FRMD4A: variants seen among roughly 807,000 people sequenced by gnomAD.
FRMD4A encodes the protein FERM domain-containing protein 4A.
A neutral mutation model predicts 129.1 loss-of-function variants in FRMD4A; 29 were observed. The observed-to-expected ratio is 0.22, with a 90% confidence interval of 0.17 to 0.31. FRMD4A has a LOEUF of 0.31. Among genes scored for constraint, FRMD4A ranks in the 10% least tolerant of loss-of-function variants. The probability of loss-of-function intolerance (pLI) is 1.00; values close to 1 mark genes in which losing one functional copy is unlikely to be tolerated. For synonymous variants in FRMD4A, 634 were observed against 571.6 expected (o/e 1.11, Z -1.56); for missense variants, 1,272 against 1,375.8 (o/e 0.92, Z 1.19).
At chr10:14,286,347 C>A (rs61836118) in intron 2 of FRMD4A, among the ~76,000 whole-genome samples, 1 of 152,092 alleles carries the variant, frequency 6.6e-6, no homozygotes, top group African/African-American at 2.4e-5. Context: ...AAGGACGAGA[C>A]GCTCCCGTGT....
intron 2 of FRMD4A, among the ~76,000 whole-genome samples, chr10:14,211,932 G>C (rs1842943395): frequency 6.6e-6 from 1 of 152,186 alleles, no homozygotes; most frequent in Non-Finnish European, 1.5e-5. Context: ...CTCAGCACTG[G>C]GGAAGTGGCT....
intron 12 of FRMD4A, among the ~76,000 whole-genome samples, chr10:13,723,391 T>C (rs2089619762): frequency 6.6e-6 from 1 of 152,242 alleles, no homozygotes; most frequent in Non-Finnish European, 1.5e-5. Context: ...TCCACTTATA[T>C]GAGTGTTCAA....
intron 2 of FRMD4A, among the ~76,000 whole-genome samples, chr10:14,304,925 T>G (rs765905890): frequency 3.3e-5 from 5 of 152,236 alleles, no homozygotes; most frequent in Non-Finnish European, 5.9e-5. Flanking sequence ...GTGGTCTGAA[T>G]GTGTGGCAGA....
intron 2 of FRMD4A, among the ~76,000 whole-genome samples, chr10:13,922,140 G>A (rs1214841303): frequency 2.6e-5 from 4 of 152,168 alleles, no homozygotes; most frequent in Non-Finnish European, 5.9e-5. Context: ...GGAATCTGCT[G>A]GCATCTTGAT....
chr10:14,063,247 T>G (rs1434924402), intron 2 of FRMD4A, among the ~76,000 whole-genome samples: 2 of 152,010 alleles, frequency 1.3e-5, no homozygotes, highest in Admixed American at 1.3e-4. Context: ...TTATGTTTAG[T>G]GCGTGTTCGG....
Position 13,657,362 on chromosome 10 carries a change from G to C in FRMD4A, c.2227C>G (p.Pro743Ala). ...PRTRSSNGSD[P>A]MDDCSSCTSH... ...GTGCACGACGAGCAGTCGTCCATGG[G>C]GTCTGAGCCGTTGCTGCTACGAGTC... The change falls in exon 22 of 25, where the codon CCC (proline) becomes GCC (alanine). Residue 743 changes from proline to alanine, a missense_variant. Transcript: ENST00000357447. 1 of 1,611,788 alleles carries C rather than the reference G, an allele frequency of 6.2e-7. No homozygotes were observed. The highest frequency in any genetic ancestry group is 8.5e-7 in the Non-Finnish European group (1 of 1,179,726).
intron 2 of FRMD4A, among the ~76,000 whole-genome samples, chr10:14,056,400 T>C (rs1192973770): frequency 6.6e-6 from 1 of 151,550 alleles, no homozygotes; most frequent in Admixed American, 6.6e-5. Flanking sequence ...CCCCCCGTGA[T>C]TGAAAAAAAA....
intron 2 of FRMD4A, among the ~76,000 whole-genome samples, chr10:14,309,120 A>G (rs1207697178): frequency 6.6e-6 from 1 of 152,214 alleles, no homozygotes; most frequent in Non-Finnish European, 1.5e-5. Context: ...GAATTTCTCA[A>G]CATGCAATCA....
At chr10:14,289,288 T>C (rs1022455108) in intron 2 of FRMD4A, among the ~76,000 whole-genome samples, 4 of 152,190 alleles carry the variant, frequency 2.6e-5, no homozygotes, top group African/African-American at 9.6e-5. Flanking sequence ...TGTTGTCTTT[T>C]GGGTTTTTTT....
At chr10:13,681,452 A>C (rs2084577279) in intron 15 of FRMD4A, among the ~76,000 whole-genome samples, 1 of 148,660 alleles carries the variant, frequency 6.7e-6, no homozygotes, top group African/African-American at 2.5e-5. Flanking sequence ...AGAAAACAGT[A>C]GCTAAGTGCT....
chr10:14,024,622 A>G (rs1233881627), intron 2 of FRMD4A, among the ~76,000 whole-genome samples: 3 of 152,260 alleles, frequency 2.0e-5, no homozygotes, highest in Non-Finnish European at 4.4e-5. Context: ...GATATTTTGA[A>G]AAAACAAACA....
intron 3 of FRMD4A, among the ~76,000 whole-genome samples, chr10:13,830,960 T>G (rs2093781272): frequency 6.6e-6 from 1 of 152,176 alleles, no homozygotes; most frequent in Admixed American, 6.5e-5. Context: ...TGGCTAATTT[T>G]TGTATTTTTG....
At chr10:14,035,054 A>G (rs375214111) in intron 2 of FRMD4A, among the ~76,000 whole-genome samples, 28 of 152,324 alleles carry the variant, frequency 1.8e-4, no homozygotes, top group African/African-American at 6.3e-4. Flanking sequence ...TCTGAAAATG[A>G]AATTAAATAC....
chr10:13,700,642 G>C (rs2086722599), intron 14 of FRMD4A, among the ~76,000 whole-genome samples: 1 of 152,100 alleles, frequency 6.6e-6, no homozygotes, highest in Non-Finnish European at 1.5e-5. Context: ...GACAGGGCTG[G>C]AGGAAGAGGG....
intron 2 of FRMD4A, among the ~76,000 whole-genome samples, chr10:13,875,973 T>A (rs1436963749): frequency 6.6e-6 from 1 of 152,174 alleles, no homozygotes; most frequent in Non-Finnish European, 1.5e-5. Flanking sequence ...GGGCAAAAAA[T>A]AGACCCAATG....
chr10:13,858,778 A>T, intron 3 of FRMD4A, 69 bp downstream of exon 3: 1 of 876,046 alleles, frequency 1.1e-6, no homozygotes, highest in Non-Finnish European at 2.0e-6. Context: ...CTTCATCCCC[A>T]GCTGGATCAA....
chr10:13,686,307 T>G (rs2085076945), intron 15 of FRMD4A, among the ~76,000 whole-genome samples: 1 of 152,206 alleles, frequency 6.6e-6, no homozygotes, highest in African/African-American at 2.4e-5. Flanking sequence ...AAAAACGTCG[T>G]GTGATTTATA....
intron 2 of FRMD4A, chr10:14,074,411 AGT>A (rs1176828306): frequency 6.6e-6 from 1 of 152,202 alleles, no homozygotes; most frequent in Non-Finnish European, 1.5e-5. Context: ...TCATAGCTGC[AGT>A]GTTGGATATG....
intron 12 of FRMD4A, among the ~76,000 whole-genome samples, chr10:13,730,859 C>CAAAAAAAAAAAAAAAAAAAAAAAAAAA (rs10639026): frequency 1.1e-5 from 1 of 90,854 alleles, no homozygotes. Context: ...ACTAAAAATA[C>CAAAAAAAAAAAAAAAAAAAAAAAAAAA]AAAAAAAAAA....
Sources: gnomAD v4.1 joint callset for allele counts (sites outside exome capture counted in the v4.1 genomes callset) on GRCh38, gnomAD v4.1.1 for gene constraint, MANE v1.5 for transcripts, NCBI Gene and HGNC (gene_info 2026-07-23, HGNC 2026-07-21) for gene names.